The following CLEC16A variants were observed in gnomAD, a reference collection of about 807,000 sequenced individuals.
The protein encoded by CLEC16A is protein CLEC16A.
A neutral mutation model predicts 109.5 loss-of-function variants in CLEC16A; 51 were observed. The observed-to-expected ratio is 0.47, with a 90% CI of 0.37 to 0.59. The LOEUF (loss-of-function observed/expected upper bound fraction) is 0.59. Ranked by LOEUF, CLEC16A falls within the 20% of genes least tolerant of loss-of-function variation. The pLI is 0.00. For synonymous variants in CLEC16A, 673 were observed against 564.2 expected, an observed-to-expected ratio of 1.19 and a Z score of -2.73; for missense variants, 1,339 against 1,394.0, an observed-to-expected ratio of 0.96 and a Z score of 0.63.
chr16:11,175,005 G>A (rs531805033), intron 23 of CLEC16A, among the ~76,000 whole-genome samples: 15 of 152,350 alleles, frequency 9.8e-5, no homozygotes, highest in South Asian at 2.1e-4. Context: ...TGTCTGCTGG[G>A]AGCCTTTGCC....
At chr16:10,971,254 T>A in intron 5 of CLEC16A, 24 bp downstream of exon 5, 1 of 1,537,882 alleles carries the variant, frequency 6.5e-7, no homozygotes, top group Non-Finnish European at 9.0e-7. Flanking sequence ...TGGGCTTGTG[T>A]CTCGGCTGAT....
At chr16:11,027,441 T>C in intron 13 of CLEC16A, 1 of 1,549,844 alleles carries the variant, frequency 6.5e-7, no homozygotes, top group Non-Finnish European at 8.8e-7. Context: ...TTATGTGACC[T>C]GGGGATTTCC....
At position 11,153,245 on chromosome 16, in the gene CLEC16A, G is replaced by A. The variant is rs577578606; in HGVS notation, c.2642-13143G>A. On this transcript the variant is annotated intron_variant, in intron 22 of 23. Transcript: ENST00000409790. ...ACTGTGCAATTGGCATCTGACACCA[G>A]CGATTTACATAGAAAGGGAAATGGT... Among the ~76,000 whole-genome samples, 54 of 152,246 alleles carry A rather than the reference G, an allele frequency of 3.5e-4. 2 individuals carry two copies. In the Middle Eastern group the frequency reaches 0.017, roughly 48 times the overall value.
At chr16:11,015,736 G>A (rs959968157) in intron 11 of CLEC16A, among the ~76,000 whole-genome samples, 3 of 152,252 alleles carry the variant, frequency 2.0e-5, no homozygotes, top group African/African-American at 7.2e-5. Flanking sequence ...GCCAGAAAGG[G>A]GACAACTACG....
chr16:10,970,657 G>A (rs929632382), intron 4 of CLEC16A, among the ~76,000 whole-genome samples: 8 of 152,140 alleles, frequency 5.3e-5, no homozygotes, highest in Non-Finnish European at 7.4e-5. Context: ...CCCCTCCTTG[G>A]CCTCCCAAAG....
chr16:11,138,584 G>A (rs2053676828), intron 22 of CLEC16A, among the ~76,000 whole-genome samples: 1 of 152,200 alleles, frequency 6.6e-6, no homozygotes, highest in African/African-American at 2.4e-5. Context: ...TGTGCGTCAG[G>A]TGATGCCCGT....
rs187071721 is a variant in CLEC16A at position 11,102,583 on chromosome 16, G to A, written c.2117-18032G>A. Among the ~76,000 whole-genome samples, 9 of 152,326 alleles carry A rather than the reference G, an allele frequency of 5.9e-5. No individual in the cohort carries two copies. In the East Asian group the frequency reaches 1.7e-3, roughly 29 times the overall value. ...AGACATTCTTTCCCATCAGAAAAGA[G>A]GCATGTGGTTTAGTCCCAACCGCTT... is the stretch of plus-strand genomic sequence containing the variant. On this transcript the variant is annotated intron_variant, in intron 19 of 23. Transcript: ENST00000409790.
intron 19 of CLEC16A, among the ~76,000 whole-genome samples, chr16:11,094,420 TG>T (rs2050487183): frequency 6.6e-6 from 1 of 152,178 alleles, no homozygotes; most frequent in South Asian, 2.1e-4. Context: ...GTGAGGTTTG[TG>T]GGAGGAGGCA....
chr16:11,150,942 A>G (rs1361418474), intron 22 of CLEC16A, among the ~76,000 whole-genome samples: 2 of 152,182 alleles, frequency 1.3e-5, no homozygotes, highest in African/African-American at 4.8e-5. Context: ...CTGTGTGAAA[A>G]TCTGCGTCCA....
At chr16:11,014,571 G>A (rs1288097716) in intron 11 of CLEC16A, among the ~76,000 whole-genome samples, 2 of 152,186 alleles carry the variant, frequency 1.3e-5, no homozygotes, top group Non-Finnish European at 2.9e-5. Flanking sequence ...AATAGTACAG[G>A]TAACACAGAG....
rs187352923 is a variant in CLEC16A at position 10,948,094 on chromosome 16, C to G, written c.80+3297C>G. Among the ~76,000 whole-genome samples the G allele has an allele frequency of 7.2e-4, 109 of 152,200 alleles. 1 individual carries two copies. The highest frequency in any genetic ancestry group is 3.2e-4 in the Non-Finnish European group (22 of 68,014). On this transcript the variant is annotated intron_variant, in intron 1 of 23. Coordinates refer to ENST00000409790, the MANE Select transcript of CLEC16A (RefSeq NM_015226.3). ...ATTTTTAGTAGAGACGGGGTTTCAC[C>G]GTGTTAGCCAGGATGGTCTCGATCT...
At chr16:11,043,081 C>A (rs201658266) in intron 15 of CLEC16A, among the ~76,000 whole-genome samples, 1 of 77,238 alleles carries the variant, frequency 1.3e-5, no homozygotes, top group African/African-American at 1.5e-4. Context: ...TATATATATA[C>A]ACACACACAC....
chr16:11,168,666 C>G (rs2068375183), intron 23 of CLEC16A, among the ~76,000 whole-genome samples: 1 of 152,252 alleles, frequency 6.6e-6, no homozygotes, highest in African/African-American at 2.4e-5. Context: ...GGCCAGACTT[C>G]TAGGCCAGCC....
chr16:11,113,131 A>G (rs552247997), intron 19 of CLEC16A, among the ~76,000 whole-genome samples: 2 of 152,346 alleles, frequency 1.3e-5, no homozygotes, highest in South Asian at 4.1e-4. Flanking sequence ...CTATGTCCCA[A>G]GGGTGCTGTC....
intron 13 of CLEC16A, chr16:11,027,876 C>G (rs1311640306): frequency 9.5e-6 from 6 of 631,492 alleles, no homozygotes; most frequent in Non-Finnish European, 1.4e-5. Flanking sequence ...CCTGCTCTGT[C>G]TTCAAAAACT....
At chr16:11,026,021 C>T (rs1164411360) in intron 13 of CLEC16A, among the ~76,000 whole-genome samples, 1 of 152,232 alleles carries the variant, frequency 6.6e-6, no homozygotes, top group African/African-American at 2.4e-5. Flanking sequence ...CATATTTCAG[C>T]ACATGGGTTC....
At chr16:11,126,537 G>T in intron 22 of CLEC16A, 1 of 666,978 alleles carries the variant, frequency 1.5e-6, no homozygotes, top group Non-Finnish European at 2.3e-6. Context: ...ACCCCCTGAA[G>T]AAGTGAGACT....
chr16:11,134,103 C>G (rs1308246104), intron 22 of CLEC16A, among the ~76,000 whole-genome samples: 1 of 152,098 alleles, frequency 6.6e-6, no homozygotes, highest in Non-Finnish European at 1.5e-5. Flanking sequence ...GATACCCTCC[C>G]TCCAGCGTCA....
rs1019116567 is a variant in CLEC16A at position 11,180,215 on chromosome 16, G to T, written c.*1525G>T. 5 of 152,398 alleles carry T rather than the reference G, an allele frequency of 3.3e-5. No individual in the cohort carries two copies. The highest frequency in any genetic ancestry group is 1.2e-4 in the African/African-American group (5 of 41,476). 9.4% of individuals were successfully genotyped at this position (152,398 alleles called of 1,614,324 possible). A position where few individuals can be genotyped will look rare whatever the true frequency, so the allele number is the denominator to read the frequency against. On this transcript the variant is annotated 3_prime_UTR_variant, in exon 24 of 24. Transcript: ENST00000409790. ...TCGGCCCAGCCAGCTGTCCCGGCAA[G>T]GCCTGCCGAGGGCAGTTTTCAACCT...
Sources: allele counts gnomAD v4.1 joint callset (sites outside exome capture counted in the v4.1 genomes callset), GRCh38; gene constraint gnomAD v4.1.1; transcripts MANE v1.5; gene names NCBI Gene and HGNC (gene_info 2026-07-23, HGNC 2026-07-21).